The following DUSP16 variants were observed in gnomAD, a reference collection of about 807,000 sequenced individuals.
The protein encoded by DUSP16 is dual specificity protein phosphatase 16.
A neutral mutation model predicts 58.3 loss-of-function variants in DUSP16; 21 were observed. The observed-to-expected ratio is 0.36, with a 90% CI of 0.26 to 0.52. The LOEUF is 0.52. DUSP16 is among the 20% of genes least tolerant of loss of function. The pLI, the probability that DUSP16 is intolerant of heterozygous loss-of-function variation, is 0.94. For missense variants in DUSP16, 726 were observed against 819.0 expected (o/e 0.89, Z 1.39); for synonymous variants, 320 against 323.8 (o/e 0.99, Z 0.12).
chr12:12,497,168 G>A (rs550743747), intron 4 of DUSP16, among the ~76,000 whole-genome samples: 10 of 152,290 alleles, frequency 6.6e-5, no homozygotes, highest in Admixed American at 2.0e-4. Flanking sequence ...GATATACTAG[G>A]TTAAATATGT....
chr12:12,553,942 A>C (rs1944770698), intron 1 of DUSP16, among the ~76,000 whole-genome samples: 1 of 152,090 alleles, frequency 6.6e-6, no homozygotes, highest in South Asian at 2.1e-4. Context: ...TTACACCTAT[A>C]ATCCTAGCAC....
At chr12:12,542,849 G>T (rs1419633154) in intron 1 of DUSP16, among the ~76,000 whole-genome samples, 1 of 152,096 alleles carries the variant, frequency 6.6e-6, no homozygotes, top group Non-Finnish European at 1.5e-5. Flanking sequence ...TAAGTCCATT[G>T]TGATAGTATC....
intron 1 of DUSP16, chr12:12,560,718 A>G (rs777806093): frequency 1.4e-4 from 21 of 152,244 alleles, no homozygotes; most frequent in Non-Finnish European, 2.8e-4. Context: ...TAGGTATTAA[A>G]GAGTAATTAA....
At chr12:12,499,667 T>G (rs1426915025) in intron 4 of DUSP16, among the ~76,000 whole-genome samples, 15 of 152,200 alleles carry the variant, frequency 9.9e-5, no homozygotes, top group Non-Finnish European at 1.5e-5. Flanking sequence ...GTTCTTCCCT[T>G]TGCATAGGAA....
At chr12:12,517,292 C>T (rs141091239) in intron 3 of DUSP16, among the ~76,000 whole-genome samples, 165 of 152,288 alleles carry the variant, frequency 1.1e-3, no homozygotes, top group African/African-American at 3.9e-3. Context: ...CATGTCCAAA[C>T]GAGACTGACA....
chr12:12,517,888 CAG>C (rs1188763176), intron 3 of DUSP16, among the ~76,000 whole-genome samples: 10 of 152,228 alleles, frequency 6.6e-5, no homozygotes, highest in Non-Finnish European at 1.5e-4. Flanking sequence ...TGTTCTGACT[CAG>C]TGTGTCACAC....
At chr12:12,486,509 TG>T (rs1320734077) in intron 5 of DUSP16, among the ~76,000 whole-genome samples, 3 of 147,054 alleles carry the variant, frequency 2.0e-5, no homozygotes, top group African/African-American at 2.5e-5. Flanking sequence ...TGTGTGTGTG[TG>T]TGTGTGTGAA....
intron 3 of DUSP16, among the ~76,000 whole-genome samples, chr12:12,519,337 C>T (rs891464901): frequency 6.6e-6 from 1 of 152,042 alleles, no homozygotes; most frequent in African/African-American, 2.4e-5. Context: ...TAAAACAATT[C>T]CCCTAATTAC....
intron 3 of DUSP16, among the ~76,000 whole-genome samples, chr12:12,518,989 T>C (rs1944192116): frequency 6.6e-6 from 1 of 152,250 alleles, no homozygotes; most frequent in African/African-American, 2.4e-5. Context: ...TTGTTTTTCT[T>C]AGACCAAATG....
intron 1 of DUSP16, among the ~76,000 whole-genome samples, chr12:12,532,572 C>T (rs1259936620): frequency 6.6e-6 from 1 of 152,150 alleles, no homozygotes; most frequent in African/African-American, 2.4e-5. Context: ...TCATGACATA[C>T]ATTCAGACCC....
At chr12:12,482,326 A>G (rs77789105) in intron 5 of DUSP16, among the ~76,000 whole-genome samples, 2,181 of 152,316 alleles carry the variant, frequency 0.014, 63 homozygotes, top group African/African-American at 0.049. Context: ...TGACAGTAAC[A>G]TGCGTTACGA....
At chr12:12,540,047 T>G (rs1396055972) in intron 1 of DUSP16, among the ~76,000 whole-genome samples, 1 of 150,662 alleles carries the variant, frequency 6.6e-6, no homozygotes, top group Non-Finnish European at 1.5e-5. Context: ...AGACTGAGAC[T>G]CTGTCTCATA....
chr12:12,547,159 T>C (rs1292399579), intron 1 of DUSP16, among the ~76,000 whole-genome samples: 1 of 152,214 alleles, frequency 6.6e-6, no homozygotes, highest in Non-Finnish European at 1.5e-5. Context: ...GCCAGTGCAG[T>C]GGCTCATGCC....
intron 5 of DUSP16, among the ~76,000 whole-genome samples, chr12:12,486,754 A>T (rs1410044129): frequency 1.3e-5 from 2 of 152,204 alleles, no homozygotes; most frequent in Non-Finnish European, 2.9e-5. Context: ...TGATTTTCAA[A>T]CACCTGCAAA....
At chr12:12,500,955 C>T (rs561821297) in intron 3 of DUSP16, among the ~76,000 whole-genome samples, 2 of 152,180 alleles carry the variant, frequency 1.3e-5, no homozygotes, top group East Asian at 3.9e-4. Context: ...ACATACCCTA[C>T]AACATTTGCT....
intron 1 of DUSP16, among the ~76,000 whole-genome samples, chr12:12,535,266 CCAAA>C (rs1380164691): frequency 6.6e-6 from 1 of 152,078 alleles, no homozygotes. Flanking sequence ...GAAGGGTTTC[CCAAA>C]CAATCTTAAT....
chr12:12,495,200 G>T (rs1276409443), intron 4 of DUSP16, among the ~76,000 whole-genome samples: 1 of 129,374 alleles, frequency 7.7e-6, no homozygotes, highest in East Asian at 2.5e-4. Context: ...CTTGTAAATT[G>T]TATGGTATAT....
chr12:12,551,442 G>A (rs575197511), intron 1 of DUSP16, among the ~76,000 whole-genome samples: 3 of 142,744 alleles, frequency 2.1e-5, no homozygotes, highest in African/African-American at 7.7e-5. Flanking sequence ...TAGCCTGGGC[G>A]ACAGAGGGAG....
rs184240314 is a variant in DUSP16, at chr12:12,536,129, T to C, written c.-365-14666A>G. Among the ~76,000 whole-genome samples the C allele has an allele frequency of 8.3e-4, 127 of 152,296 alleles. 2 individuals carry two copies. In the East Asian group the frequency reaches 0.022, roughly 26 times the overall value. On this transcript the variant is annotated intron_variant, in intron 1 of 6. Coordinates refer to ENST00000298573, the MANE Select transcript of DUSP16 (RefSeq NM_030640.3). ...TCCTTACAGTACCATACAGTTTTAG[T>C]TGCCTATGGATGCGCTCAGTCTAGA... is the stretch of plus-strand genomic sequence containing the variant.
Sources: allele counts gnomAD v4.1 joint callset (sites outside exome capture counted in the v4.1 genomes callset), GRCh38; gene constraint gnomAD v4.1.1; transcripts MANE v1.5; gene names NCBI Gene and HGNC (gene_info 2026-07-23, HGNC 2026-07-21).